REXO1: variants seen among roughly 807,000 people sequenced by gnomAD.
The protein encoded by REXO1 is REX1, RNA exonuclease 1 homolog.
A neutral mutation model predicts 102.6 loss-of-function variants in REXO1; 42 were observed. The ratio of observed to expected loss-of-function variants is 0.41; its 90% confidence interval spans 0.32 to 0.53. The LOEUF (loss-of-function observed/expected upper bound fraction) is 0.53, where lower values mean the gene tolerates loss of function less well. REXO1 is among the 20% of genes least tolerant of loss of function. The pLI, the probability that REXO1 is intolerant of heterozygous loss-of-function variation, is 0.27. For synonymous variants in REXO1, 908 were observed against 779.1 expected (o/e 1.17, Z -2.76); for missense variants, 1,819 against 1,732.5 (o/e 1.05, Z -0.89).
At chr19:1,840,944 G>A (rs2145327713) in intron 1 of REXO1, among the ~76,000 whole-genome samples, 1 of 152,330 alleles carries the variant, frequency 6.6e-6, no homozygotes, top group South Asian at 2.1e-4. Flanking sequence ...CCTTTCCTGA[G>A]GCCGGAAGCA....
chr19:1,820,675 A>C (rs2069507154), intron 5 of REXO1, among the ~76,000 whole-genome samples: 1 of 152,224 alleles, frequency 6.6e-6, no homozygotes, highest in African/African-American at 2.4e-5. Context: ...AAAGTTGCTC[A>C]AAAAACATAA....
At chr19:1,831,845 C>CAAAAAAAA (rs745676775) in intron 1 of REXO1, among the ~76,000 whole-genome samples, 1 of 51,320 alleles carries the variant, frequency 1.9e-5, no homozygotes, top group African/African-American at 6.9e-5. Context: ...AACTCCATCT[C>CAAAAAAAA]AAAAAAAAAA....
Position 1,817,644 on chromosome 19 carries a change from C to G in REXO1, c.3090+63G>C, listed in dbSNP as rs2069409622. The G allele has an allele frequency of 3.3e-6, 5 of 1,533,934 alleles. No individual in the cohort carries two copies. The Admixed American group carries it at 7.5e-5, about 23-fold the overall frequency. ...TGTGCTGTGTCCCGAGACCCCACAC[C>G]AACGATGGGGAGGCAGAAGTCTGTT... On this transcript the variant is annotated intron_variant, in intron 11 of 15. Transcript: ENST00000170168.
chr19:1,839,051 T>C (rs930681425), intron 1 of REXO1, among the ~76,000 whole-genome samples: 6 of 151,588 alleles, frequency 4.0e-5, no homozygotes, highest in Admixed American at 2.6e-4. Context: ...AGCTCAGGAG[T>C]TTGAGACCAG....
At chr19:1,832,095 G>A (rs2069922375) in intron 1 of REXO1, among the ~76,000 whole-genome samples, 1 of 152,100 alleles carries the variant, frequency 6.6e-6, no homozygotes, top group Non-Finnish European at 1.5e-5. Flanking sequence ...GTCCTCACAG[G>A]GTCCTTTAAA....
In REXO1 at chr19:1,825,826, C is replaced by G; in HGVS notation, c.2016+13G>C. On this transcript the variant is annotated intron_variant, in intron 3 of 15. Transcript: ENST00000170168. ...AAAAAGGCTCCTGCTGGCCTGGCCTCTGCGGACCTTACCTCCTGGCCTTGC... is the reference window on the plus strand; with the variant it reads ...AAAAAGGCTCCTGCTGGCCTGGCCTGTGCGGACCTTACCTCCTGGCCTTGC... 1 of 1,544,538 alleles carries G rather than the reference C, an allele frequency of 6.5e-7. No individual in the cohort carries two copies. Among genetic ancestry groups the G allele is most frequent in the Non-Finnish European group, 8.9e-7 (1 of 1,117,896 alleles).
intron 3 of REXO1, among the ~76,000 whole-genome samples, chr19:1,824,770 G>T (rs141269036): frequency 4.9e-4 from 68 of 139,006 alleles, no homozygotes; most frequent in African/African-American, 1.8e-3. Context: ...AGAAGTTTAT[G>T]AATGGATAAC....
Position 1,826,073 on chromosome 19 carries a change from C to G in REXO1, c.1912-130G>C. The stretch of plus-strand genomic sequence containing the variant: ...CCCCCAGGCACAGCAGCTGAGGGCT[C>G]AGGGCCAACAGTCCCTGGGCTTTGT... On this transcript the variant is annotated intron_variant, in intron 2 of 15. Transcript: ENST00000170168. The surrounding 1 kb of genome is among the most constrained non-coding windows in gnomAD (Gnocchi z 4.3). 1.5e-6 allele frequency: 1 copy of G among 655,554 alleles called. No individual in the cohort carries two copies. The highest frequency in any genetic ancestry group is 2.8e-6 in the Non-Finnish European group (1 of 359,916). The allele number at this position is 655,554 out of a possible 1,614,324, so 40.6% of individuals were successfully genotyped here.
intron 1 of REXO1, among the ~76,000 whole-genome samples, chr19:1,843,658 G>T (rs1006183116): frequency 6.6e-6 from 1 of 152,226 alleles, no homozygotes. Context: ...CAGGCCTGGG[G>T]AACCAAAAGA....
At position 1,826,657 on chromosome 19, in the gene REXO1, G is replaced by A. The variant is rs542687733; in HGVS notation, c.1911+221C>T. Among the ~76,000 whole-genome samples the A allele has an allele frequency of 7.6e-3, 1,141 of 150,524 alleles. 17 individuals carry two copies. Among genetic ancestry groups the A allele is most frequent in the African/African-American group, 0.026 (1,059 of 40,430 alleles). On this transcript the variant is annotated intron_variant, in intron 2 of 15. Transcript: ENST00000170168. The surrounding 1 kb of genome is among the most constrained non-coding windows in gnomAD (Gnocchi z 4.3). ...CCACAGAAGCCTGGCTGGTGGCCAC[G>A]GGCCAGTGACCTCTGGGTGGGTGAG... is the stretch of plus-strand genomic sequence containing the variant.
intron 1 of REXO1, among the ~76,000 whole-genome samples, chr19:1,842,768 C>G (rs1339333251): frequency 6.6e-6 from 1 of 152,248 alleles, no homozygotes; most frequent in African/African-American, 2.4e-5. Flanking sequence ...GTGCCGGACT[C>G]GGCAAAGGAA....
Position 1,828,089 on chromosome 19 carries a change from A to G in REXO1, c.700T>C (p.Tyr234His). The G allele has an allele frequency of 1.9e-6, 3 of 1,612,740 alleles. No homozygotes were observed. The highest frequency in any genetic ancestry group is 2.5e-6 in the Non-Finnish European group (3 of 1,179,732). ...GCCGAGTAGTTGGAGAGAGGGTCAT[A>G]CTCCAGGTCTGTGGGTGGCCTGGAG... ...DNSRPPTDLE[Y>H]DPLSNYSARH... Residue 234 changes from tyrosine to histidine, a missense_variant, in exon 2 of 16, where the codon TAT (tyrosine) becomes CAT (histidine). Tyr to His is a moderately conservative substitution (Grantham distance 83, BLOSUM62 2). Coordinates refer to ENST00000170168, the MANE Select transcript of REXO1 (RefSeq NM_020695.4).
intron 1 of REXO1, among the ~76,000 whole-genome samples, chr19:1,837,680 T>TGCCCCCAGGGTTCTCCTCG (rs2070079647): frequency 6.6e-6 from 1 of 152,190 alleles, no homozygotes; most frequent in Non-Finnish European, 1.5e-5. Context: ...TCTACCCCAC[T>TGCCCCCAGGGTTCTCCTCG]GCCCCCAGGG....
At position 1,817,225 on chromosome 19, in the gene REXO1, G is replaced by C. The variant is rs141798167; in HGVS notation, c.3195C>G (p.Cys1065Trp). 6.2e-7 allele frequency: 1 copy of C among 1,612,432 alleles called. No homozygotes were observed. Among genetic ancestry groups the C allele is most frequent in the Non-Finnish European group, 8.5e-7 (1 of 1,179,988 alleles). The stretch of plus-strand genomic sequence containing the variant: ...GGGCAGAGAACAGCCTCACCATCTC[G>C]CAGTCCAGGGCGTAGATCCCCGGGT... ...DTHPGIYALD[C>W]EMSYTTYGLE... The change falls in exon 12 of 16, where the codon TGC (cysteine) becomes TGG (tryptophan). Residue 1065 changes from cysteine (C) to tryptophan (W), a missense_variant. Cys to Trp is a radical substitution (Grantham distance 215). Coordinates refer to ENST00000170168, the MANE Select transcript of REXO1 (RefSeq NM_020695.4).
chr19:1,831,281 G>A lies in REXO1; in HGVS notation c.158-2650C>T, dbSNP rs2069893747. ...CCAAGACGCCACTTGGCTCTGACTT[G>A]ATTCTGACTGAACGTGCAGCTTGTC... On this transcript the variant is annotated intron_variant, in intron 1 of 15. Coordinates refer to ENST00000170168, the MANE Select transcript of REXO1 (RefSeq NM_020695.4). 1.3e-5 allele frequency among the ~76,000 whole-genome samples: 2 copies of A among 152,216 alleles called. 1 individual carries two copies. The highest frequency in any genetic ancestry group is 4.1e-4 in the South Asian group (2 of 4,830).
intron 5 of REXO1, among the ~76,000 whole-genome samples, chr19:1,821,151 T>C (rs1414835083): frequency 4.6e-5 from 7 of 151,762 alleles, no homozygotes; most frequent in African/African-American, 1.7e-4. Context: ...ATCGAGACCA[T>C]CCTGGCTAAC....
chr19:1,832,188 A>AG (rs2069925481), intron 1 of REXO1, among the ~76,000 whole-genome samples: 1 of 152,178 alleles, frequency 6.6e-6, no homozygotes, highest in African/African-American at 2.4e-5. Context: ...CCCTGAGCCG[A>AG]GGGATGCAGG....
chr19:1,837,465 G>A (rs776292013), intron 1 of REXO1, among the ~76,000 whole-genome samples: 6 of 152,120 alleles, frequency 3.9e-5, no homozygotes, highest in Non-Finnish European at 5.9e-5. Context: ...GACCACACGG[G>A]GCAGAAACAG....
At chr19:1,848,157 G>T in intron 1 of REXO1, 45 bp downstream of exon 1, 1 of 1,024,412 alleles carries the variant, frequency 9.8e-7, no homozygotes, top group South Asian at 4.9e-5. Flanking sequence ...GTCCAGACCC[G>T]GGCAGGGGAG....
Sources: allele counts gnomAD v4.1 joint callset (sites outside exome capture counted in the v4.1 genomes callset), GRCh38; gene constraint gnomAD v4.1.1; non-coding constraint Gnocchi (gnomAD v3.1); transcripts MANE v1.5; gene names NCBI Gene and HGNC (gene_info 2026-07-23, HGNC 2026-07-21).